ELFN1: variants seen among roughly 807,000 people sequenced by gnomAD.
ELFN1 encodes protein ELFN1.
ELFN1 carries 6 observed loss-of-function variants against 7.6 expected under a neutral mutation model. The observed-to-expected ratio is 0.79, with a 90% CI of 0.43 to 1.56. The LOEUF (loss-of-function observed/expected upper bound fraction) is 1.56, where lower values mean the gene tolerates loss of function less well. Among genes scored for constraint, ELFN1 ranks in the 40% most tolerant of loss-of-function variants. ELFN1 has a pLI of 0.01. For synonymous variants in ELFN1, 657 were observed against 588.1 expected (o/e 1.12, Z -1.70); for missense variants, 1,169 against 1,232.2 (o/e 0.95, Z 0.77).
intron 1 of ELFN1, among the ~76,000 whole-genome samples, chr7:1,680,860 G>A (rs1778962817): frequency 6.6e-6 from 1 of 150,832 alleles, no homozygotes; most frequent in Non-Finnish European, 1.5e-5. Context: ...TTCTGCCTCA[G>A]CCTCCTGAGT....
intron 3 of ELFN1, among the ~76,000 whole-genome samples, chr7:1,722,408 A>C (rs1464302831): frequency 6.6e-6 from 1 of 152,062 alleles, no homozygotes; most frequent in East Asian, 1.9e-4. Context: ...TTGGGATTAC[A>C]GGTGCCTGCC....
intron 3 of ELFN1, among the ~76,000 whole-genome samples, chr7:1,741,241 C>T (rs1324305898): frequency 1.3e-5 from 2 of 152,206 alleles, no homozygotes; most frequent in Non-Finnish European, 2.9e-5. Context: ...CACCCTTCCT[C>T]CCTGGCAGGG....
At chr7:1,716,750 G>A (rs1779845140) in intron 3 of ELFN1, among the ~76,000 whole-genome samples, 2 of 152,200 alleles carry the variant, frequency 1.3e-5, no homozygotes, top group Non-Finnish European at 2.9e-5. Context: ...CCGGGAAACT[G>A]TGATTCCAGC....
rs533851398 is a variant in ELFN1, at chr7:1,695,273, C to T, written c.-456+7123C>T. On this transcript the variant is annotated intron_variant, in intron 2 of 3. Coordinates refer to ENST00000424383, the MANE Select transcript of ELFN1 (RefSeq NM_001128636.4). This position sits in a 1 kb window ranked among gnomAD's most constrained non-coding sequence, Gnocchi z 5.1. ...GTAGCGTGCCAGGTGCGTGGCCGGCCTCCCAGCCCTTCCCAGCACCAGCTG... is the reference window on the plus strand; with the variant it reads ...GTAGCGTGCCAGGTGCGTGGCCGGCTTCCCAGCCCTTCCCAGCACCAGCTG... Among the ~76,000 whole-genome samples the T allele has an allele frequency of 1.3e-5, 2 of 152,204 alleles. No homozygotes were observed. The highest frequency in any genetic ancestry group is 2.4e-5 in the African/African-American group (1 of 41,446).
chr7:1,742,890 G>A (rs1413597420), intron 3 of ELFN1, among the ~76,000 whole-genome samples: 2 of 152,214 alleles, frequency 1.3e-5, no homozygotes, highest in Non-Finnish European at 2.9e-5. Context: ...CCGCTTCAGT[G>A]CAGACTAGTT....
At chr7:1,734,017 G>A (rs923470778) in intron 3 of ELFN1, among the ~76,000 whole-genome samples, 5 of 152,192 alleles carry the variant, frequency 3.3e-5, no homozygotes, top group African/African-American at 1.2e-4. Flanking sequence ...GCTCCTGGAG[G>A]TCAGGGTACT....
chr7:1,700,636 G>A (rs574745985), intron 2 of ELFN1, among the ~76,000 whole-genome samples: 2 of 152,274 alleles, frequency 1.3e-5, no homozygotes, highest in East Asian at 1.9e-4. Flanking sequence ...TGCTTCACAC[G>A]TGTGGGACCC....
In ELFN1 at chr7:1,679,822, G is replaced by A. The variant is rs550197773; in HGVS notation, c.-548-8236G>A. Among the ~76,000 whole-genome samples the A allele has an allele frequency of 7.2e-5, 11 of 152,342 alleles. No individual in the cohort carries two copies. The South Asian group carries it at 1.2e-3, about 17-fold the overall frequency. On this transcript the variant is annotated intron_variant, in intron 1 of 3. Coordinates refer to ENST00000424383, the MANE Select transcript of ELFN1 (RefSeq NM_001128636.4). Reference sequence around the variant, plus strand: ...CTGCCCCTGTCCTTGGCCATTGCGGGCGTGGTGTCCCCAGTCCTCTGAAAG... The same window carrying A: ...CTGCCCCTGTCCTTGGCCATTGCGGACGTGGTGTCCCCAGTCCTCTGAAAG...
At chr7:1,707,863 C>T (rs185726904) in intron 2 of ELFN1, among the ~76,000 whole-genome samples, 150 of 152,300 alleles carry the variant, frequency 9.8e-4, no homozygotes, top group African/African-American at 3.3e-3. Context: ...GGTTCCTGTT[C>T]GCCTTCTAGC....
At chr7:1,720,965 C>T (rs1052795700) in intron 3 of ELFN1, among the ~76,000 whole-genome samples, 2 of 152,184 alleles carry the variant, frequency 1.3e-5, no homozygotes, top group African/African-American at 4.8e-5. Context: ...CTTGCACTCT[C>T]TCTGTGCCTC....
At chr7:1,697,759 A>G (rs571010987) in intron 2 of ELFN1, among the ~76,000 whole-genome samples, 1 of 152,068 alleles carries the variant, frequency 6.6e-6, no homozygotes, top group East Asian at 1.9e-4. Flanking sequence ...GGCATGTGTC[A>G]CCTGAACAGA....
chr7:1,744,663 G>A lies in ELFN1; in HGVS notation c.67G>A (p.Gly23Ser), dbSNP rs1003592158. ...GGCCGCCACCCTGCTGCACGCTGGCGGCCTGGCCCGCGCAGACTGCTGGCT... is the reference window on the plus strand; with the variant it reads ...GGCCGCCACCCTGCTGCACGCTGGCAGCCTGGCCCGCGCAGACTGCTGGCT... ...VAAATLLHAG[G>S]LARADCWLIE... The change falls in exon 4 of 4, where the codon GGC becomes AGC. Residue 23 changes from glycine (G) to serine (S), a missense_variant. Gly to Ser is a moderately conservative substitution (Grantham distance 56). This residue lies in a region of ELFN1 where 255 missense variants were observed against 359.6 expected (regional missense o/e 0.71). Coordinates refer to ENST00000424383, the MANE Select transcript of ELFN1 (RefSeq NM_001128636.4). 4.0e-5 allele frequency: 62 copies of A among 1,550,738 alleles called. No individual in the cohort carries two copies. In the African/African-American group the frequency reaches 5.3e-4, roughly 13 times the overall value.
rs1013097475 is a variant in ELFN1 at position 1,737,475 on chromosome 7, C to T, written c.-293-6829C>T. ...TCGGGGTCTTTTCTGCTGTCCGAGG[C>T]GGGTGGGTCCCACTCTCAGATGCGA... On this transcript the variant is annotated intron_variant, in intron 3 of 3. Transcript: ENST00000424383. 2.6e-5 allele frequency among the ~76,000 whole-genome samples: 4 copies of T among 152,168 alleles called. No individual in the cohort carries two copies. In the East Asian group the frequency reaches 5.8e-4, roughly 22 times the overall value.
At chr7:1,736,165 G>A (rs992254186) in intron 3 of ELFN1, among the ~76,000 whole-genome samples, 2 of 152,204 alleles carry the variant, frequency 1.3e-5, no homozygotes, top group African/African-American at 4.8e-5. Context: ...CAGGGCGAGA[G>A]CCAAGCTGCA....
rs1036940538 is a variant in ELFN1, at chr7:1,673,600, C to A, written c.-549+3246C>A. Among the ~76,000 whole-genome samples the A allele has an allele frequency of 2.6e-5, 4 of 152,186 alleles. No homozygotes were observed. The highest frequency in any genetic ancestry group is 5.9e-5 in the Non-Finnish European group (4 of 68,020). On this transcript the variant is annotated intron_variant, in intron 1 of 3. Transcript: ENST00000424383. This position sits in a 1 kb window ranked among gnomAD's most constrained non-coding sequence, Gnocchi z 4.7. Reference sequence around the variant, plus strand: ...AGGGAGGGCGGGAGGTGAGAGACCACCCTGGGAGCGCTGATGGCAGACAAG... The same window carrying A: ...AGGGAGGGCGGGAGGTGAGAGACCAACCTGGGAGCGCTGATGGCAGACAAG...
At chr7:1,697,283 G>GC in intron 2 of ELFN1, among the ~76,000 whole-genome samples, 2 of 152,230 alleles carry the variant, frequency 1.3e-5, no homozygotes, top group Non-Finnish European at 2.9e-5. Context: ...CAGGGCCTGA[G>GC]ACCCCTGCTC....
chr7:1,691,823 T>C (rs975760860), intron 2 of ELFN1: 2 of 152,240 alleles, frequency 1.3e-5, no homozygotes, highest in Non-Finnish European at 2.9e-5. Flanking sequence ...AGGAAATGTT[T>C]AACTTTGAAA....
At chr7:1,728,782 G>A (rs1289506593) in intron 3 of ELFN1, among the ~76,000 whole-genome samples, 1 of 152,172 alleles carries the variant, frequency 6.6e-6, no homozygotes, top group African/African-American at 2.4e-5. Flanking sequence ...GAACTGAGTG[G>A]GAGGATCCAG....
chr7:1,733,689 T>A (rs937388918), intron 3 of ELFN1, among the ~76,000 whole-genome samples: 9 of 152,136 alleles, frequency 5.9e-5, no homozygotes, highest in Non-Finnish European at 1.2e-4. Context: ...AGTTTAACAT[T>A]TGAGGGCTAA....
Sources: allele counts gnomAD v4.1 joint callset (sites outside exome capture counted in the v4.1 genomes callset), GRCh38; gene constraint gnomAD v4.1.1; regional missense constraint gnomAD v4.1.1; non-coding constraint Gnocchi (gnomAD v3.1); transcripts MANE v1.5; gene names NCBI Gene and HGNC (gene_info 2026-07-23, HGNC 2026-07-21).